ATM: variants seen among roughly 807,000 people sequenced by gnomAD.
ATM encodes the protein serine-protein kinase ATM.
A neutral mutation model predicts 387.0 loss-of-function variants in ATM; 308 were observed. The observed-to-expected ratio is 0.80, with a 90% CI of 0.73 to 0.87. The LOEUF is 0.87. Among genes scored for constraint, ATM ranks in the 40% least tolerant of loss-of-function variants. ATM has a pLI of 0.00. For missense variants in ATM, 3,312 were observed against 3,560.9 expected (o/e 0.93, Z 1.78); for synonymous variants, 1,156 against 1,187.3 (o/e 0.97, Z 0.54).
At chr11:108,320,352 A>G (rs753802567) in intron 44 of ATM, among the ~76,000 whole-genome samples, 23 of 152,248 alleles carry the variant, frequency 1.5e-4, no homozygotes, top group Non-Finnish European at 3.1e-4. Flanking sequence ...TGGTAATTGT[A>G]TGGCATTTAG....
At chr11:108,256,693 G>A (rs2080514804) in intron 14 of ATM, among the ~76,000 whole-genome samples, 1 of 152,036 alleles carries the variant, frequency 6.6e-6, no homozygotes, top group Non-Finnish European at 1.5e-5. Context: ...TCAGGCCCTG[G>A]TGTATAATGT....
intron 50 of ATM, chr11:108,331,123 AG>A: frequency 9.6e-7 from 1 of 1,044,072 alleles, no homozygotes; most frequent in African/African-American, 1.7e-5. Context: ...CTGACTTCTC[AG>A]GAATCAAGAT....
chr11:108,254,626 T>C (rs889853508), intron 13 of ATM, among the ~76,000 whole-genome samples: 1 of 152,206 alleles, frequency 6.6e-6, no homozygotes, highest in Non-Finnish European at 1.5e-5. Flanking sequence ...TGCTAACGCC[T>C]TTCTTAGAAT....
At position 108,251,969 on chromosome 11, in the gene ATM, CTT is replaced by C. The variant is rs1057516721; in HGVS notation, c.1741_1742del (p.Leu581IlefsTer7). On this transcript the variant is annotated frameshift_variant, in exon 11 of 63. Transcript: ENST00000675843. LOFTEE classifies it high-confidence loss of function. ...SLKESIMKWLLFYQLEGDLEN... is the reference protein window; with the variant it reads ...SLKESIMKWLXFYQLEGDLEN... ...TAAAGGAATCAATAATGAAATGGCTCTTATTCTATCAGTTAGAGGGTGACTTA... is the reference window on the plus strand; with the variant it reads ...TAAAGGAATCAATAATGAAATGGCTCATTCTATCAGTTAGAGGGTGACTTA... 1 of 1,613,794 alleles carries C rather than the reference CTT, an allele frequency of 6.2e-7. No individual in the cohort carries two copies. Among genetic ancestry groups the C allele is most frequent in the South Asian group, 1.1e-5 (1 of 91,072 alleles).
chr11:108,321,495 A>G, intron 45 of ATM, 75 bp downstream of exon 45: 1 of 1,603,328 alleles, frequency 6.2e-7, no homozygotes, highest in Non-Finnish European at 8.5e-7. Flanking sequence ...AAAAATAAAA[A>G]CTATAGGCCG....
In ATM at chr11:108,251,916, AT is replaced by A; in HGVS notation, c.1688del (p.Met563SerfsTer4). On this transcript the variant is annotated frameshift_variant, in exon 11 of 63. Transcript: ENST00000675843. LOFTEE classifies it high-confidence loss of function. ...GTVKMGIEQN[M>X]CEVNRSFSLK... ...GGTAAAAATGGGAATAGAGCAAAATATGTGTGAAGTAAATAGAAGCTTTTCT... is the reference window on the plus strand; with the variant it reads ...GGTAAAAATGGGAATAGAGCAAAATAGTGTGAAGTAAATAGAAGCTTTTCT... 6.2e-7 allele frequency: 1 copy of A among 1,613,996 alleles called. No homozygotes were observed. Among genetic ancestry groups the A allele is most frequent in the Non-Finnish European group, 8.5e-7 (1 of 1,179,860 alleles).
chr11:108,256,238 C>G lies in ATM; in HGVS notation c.2148C>G (p.Val716=), dbSNP rs1800701. The change falls in exon 14 of 63, where the codon GTC becomes GTG. Residue 716 remains valine, a synonymous_variant. Coordinates refer to ENST00000675843, the MANE Select transcript of ATM (RefSeq NM_000051.4). ...AGATTACAAATTCAGAAACTCTTGT[C>G]CGGTGTTCACGTCTTTTGGTGGGTG... ...SSEITNSETL[V]RCSRLLVGVL... The G allele has an allele frequency of 3.7e-6, 6 of 1,607,628 alleles. No homozygotes were observed. The highest frequency in any genetic ancestry group is 1.7e-4 in the Middle Eastern group (1 of 6,034).
intron 23 of ATM, 140 bp from the exon 24 acceptor site, chr11:108,280,855 G>A: frequency 1.4e-6 from 1 of 720,396 alleles, no homozygotes; most frequent in South Asian, 1.9e-5. Flanking sequence ...TGTACCAAAA[G>A]ACAGAACTAG....
chr11:108,315,927 C>G lies in ATM; in HGVS notation c.6095+16C>G, dbSNP rs2136122887. On this transcript the variant is annotated intron_variant, in intron 41 of 62. Coordinates refer to ENST00000675843, the MANE Select transcript of ATM (RefSeq NM_000051.4). ...CCATTACTAGGTAAATTGCATTTTTCTAAACAACGGTATAGTAATTCTGTT... is the reference window on the plus strand; with the variant it reads ...CCATTACTAGGTAAATTGCATTTTTGTAAACAACGGTATAGTAATTCTGTT... The G allele has an allele frequency of 6.2e-7, 1 of 1,608,378 alleles. No homozygotes were observed. Among genetic ancestry groups the G allele is most frequent in the East Asian group, 2.2e-5 (1 of 44,832 alleles).
In ATM at chr11:108,262,198, G is replaced by C. The variant is rs538519975; in HGVS notation, c.2466+3123G>C. 6.6e-4 allele frequency among the ~76,000 whole-genome samples: 101 copies of C among 152,258 alleles called. 2 individuals carry two copies. In the South Asian group the frequency reaches 0.019, roughly 29 times the overall value. On this transcript the variant is annotated intron_variant, in intron 16 of 62. Coordinates refer to ENST00000675843, the MANE Select transcript of ATM (RefSeq NM_000051.4). Reference sequence around the variant, plus strand: ...CATAATTGTCAGATTCACCAAAGTTGAAATGAAGGAAAACATGTTAAGGGC... The same window carrying C: ...CATAATTGTCAGATTCACCAAAGTTCAAATGAAGGAAAACATGTTAAGGGC...
In ATM at chr11:108,369,032, T is replaced by C. The variant is rs751582824; in HGVS notation, c.*3524T>C. On this transcript the variant is annotated 3_prime_UTR_variant, in exon 63 of 63. Transcript: ENST00000675843. ...CTATTTTCTATAGATTTTAGTACTA[T>C]TGAATGTATTACTTTACTGTTACCT... 1.1e-5 allele frequency: 2 copies of C among 178,214 alleles called. No individual in the cohort carries two copies. The highest frequency in any genetic ancestry group is 2.4e-5 in the Non-Finnish European group (2 of 83,128). The allele number at this position is 178,214 out of a possible 1,614,324, so 11.0% of individuals were successfully genotyped here.
At chr11:108,279,095 A>G (rs2082090349) in intron 22 of ATM, among the ~76,000 whole-genome samples, 1 of 152,242 alleles carries the variant, frequency 6.6e-6, no homozygotes, top group Non-Finnish European at 1.5e-5. Context: ...ACATAAAAAC[A>G]TTAACTTACC....
At chr11:108,249,481 A>C (rs1234595348) in intron 9 of ATM, among the ~76,000 whole-genome samples, 7 of 152,228 alleles carry the variant, frequency 4.6e-5, no homozygotes. Context: ...AATCTTAAGA[A>C]ATCACAGAAT....
chr11:108,223,835 A>G (rs775675608), intron 1 of ATM: 1 of 152,248 alleles, frequency 6.6e-6, no homozygotes, highest in Non-Finnish European at 1.5e-5. Context: ...ACCTTGGCAG[A>G]TGGTAGAAGC....
Position 108,288,877 on chromosome 11 carries a change from T to G in ATM, c.4110-100T>G, listed in dbSNP as rs548790023. 9.8e-5 allele frequency: 139 copies of G among 1,419,046 alleles called. 1 individual carries two copies. The highest frequency in any genetic ancestry group is 9.0e-4 in the Middle Eastern group (5 of 5,572). 87.9% of individuals were successfully genotyped at this position (1,419,046 alleles called of 1,614,324 possible). A position where few individuals can be genotyped will look rare whatever the true frequency, so the allele number is the denominator to read the frequency against. ...TCAGTAGAAAAATGGTTTTTGAATTTGGGGGTTATTAAAATCTAAATTTTC... is the reference window on the plus strand; with the variant it reads ...TCAGTAGAAAAATGGTTTTTGAATTGGGGGGTTATTAAAATCTAAATTTTC... On this transcript the variant is annotated intron_variant, in intron 27 of 62. Transcript: ENST00000675843.
chr11:108,356,860 T>G (rs2090000036), intron 61 of ATM, among the ~76,000 whole-genome samples: 1 of 152,138 alleles, frequency 6.6e-6, no homozygotes, highest in African/African-American at 2.4e-5. Flanking sequence ...TTCCTTTGAG[T>G]GAGGGTTTTG....
chr11:108,229,516 A>G (rs1373122370), intron 4 of ATM, 193 bp downstream of exon 4: 1 of 539,140 alleles, frequency 1.9e-6, no homozygotes, highest in African/African-American at 1.9e-5. Flanking sequence ...GGGCTAGTCA[A>G]GTGAAGCAGT....
chr11:108,274,969 G>A lies in ATM; in HGVS notation c.3284+2117G>A, dbSNP rs147830201. Among the ~76,000 whole-genome samples, 1,223 of 152,276 alleles carry A rather than the reference G, an allele frequency of 8.0e-3. 8 individuals are homozygous for A. The highest frequency in any genetic ancestry group is 0.025 in the African/African-American group (1,048 of 41,536). On this transcript the variant is annotated intron_variant, in intron 22 of 62. Coordinates refer to ENST00000675843, the MANE Select transcript of ATM (RefSeq NM_000051.4). ...ATCTGTCTAATATTGATGGTGGGGT[G>A]TTAAAGTCTCCCGCTATTATTGTGT... is the stretch of plus-strand genomic sequence containing the variant.
chr11:108,358,965 T>C (rs1304217487), intron 61 of ATM, among the ~76,000 whole-genome samples: 1 of 151,928 alleles, frequency 6.6e-6, no homozygotes, highest in African/African-American at 2.4e-5. Flanking sequence ...TAAATGTATA[T>C]GGACTAAATG....
Sources: allele counts gnomAD v4.1 joint callset (sites outside exome capture counted in the v4.1 genomes callset), GRCh38; gene constraint gnomAD v4.1.1; transcripts MANE v1.5; gene names NCBI Gene and HGNC (gene_info 2026-07-23, HGNC 2026-07-21).